SZT2: variants seen among roughly 807,000 people sequenced by gnomAD.
SZT2 encodes KICSTOR complex protein SZT2.
A neutral mutation model predicts 404.2 loss-of-function variants in SZT2; 216 were observed. That is an observed-to-expected ratio of 0.53 (90% CI 0.48 to 0.60). SZT2 has a LOEUF of 0.60. Among genes scored for constraint, SZT2 ranks in the 20% least tolerant of loss-of-function variants. SZT2 has a pLI of 0.00. For synonymous variants in SZT2, 1,693 were observed against 1,749.9 expected (o/e 0.97, Z 0.81); for missense variants, 3,857 against 4,459.2 (o/e 0.86, Z 3.85).
rs1553152789 is a variant in SZT2, at chr1:43,439,185, C to T, written c.6792+92C>T. 2 of 1,580,442 alleles carry T rather than the reference C, an allele frequency of 1.3e-6. No individual in the cohort carries two copies. Among genetic ancestry groups the T allele is most frequent in the Non-Finnish European group, 1.7e-6 (2 of 1,156,150 alleles). Reference sequence around the variant, plus strand: ...TTTCCTACCGATACCCCTATATGTACCTTTGCCCATGGACCTGGGTACACC... The same window carrying T: ...TTTCCTACCGATACCCCTATATGTATCTTTGCCCATGGACCTGGGTACACC... On this transcript the variant is annotated intron_variant, in intron 48 of 71. Coordinates refer to ENST00000634258, the MANE Select transcript of SZT2 (RefSeq NM_001365999.1). This position sits in a 1 kb window ranked among gnomAD's most constrained non-coding sequence, Gnocchi z 4.2.
In SZT2 at chr1:43,420,918, A is replaced by G. The variant is rs767084593; in HGVS notation, c.1431A>G (p.Leu477=). Residue 477 remains leucine (L), a synonymous_variant, in exon 10 of 72, where the codon CTA becomes CTG. Transcript: ENST00000634258. This position sits in a 1 kb window ranked among gnomAD's most constrained non-coding sequence, Gnocchi z 5.1. ...TTTTGCATGATGTGTCCTGTGCACT[A>G]AGGCAGCCCATTCGTTCATTGTATC... The part of the protein sequence containing the change: ...YDILHDVSCA[L]RQPIRSLYRT... 1 of 1,598,454 alleles carries G rather than the reference A, an allele frequency of 6.3e-7. No individual in the cohort carries two copies. Among genetic ancestry groups the G allele is most frequent in the South Asian group, 1.1e-5 (1 of 91,086 alleles).
Position 43,450,667 on chromosome 1 carries a change from CCAAA to C in SZT2, c.*190_*193del. 1 of 878,514 alleles carries C rather than the reference CCAAA, an allele frequency of 1.1e-6. No homozygotes were observed. 54.4% of individuals were successfully genotyped at this position (878,514 alleles called of 1,614,324 possible). On this transcript the variant is annotated 3_prime_UTR_variant, in exon 72 of 72. Transcript: ENST00000634258. This position sits in a 1 kb window ranked among gnomAD's most constrained non-coding sequence, Gnocchi z 4.3. The stretch of plus-strand genomic sequence containing the variant: ...AGCCTGGCAGCAGGAACCGCCCTCC[CCAAA>C]CACCCACAGCCACTGACCCATCCAG...
Position 43,435,539 on chromosome 1 carries a change from A to T in SZT2, c.6034+210A>T, listed in dbSNP as rs1252269249. Among the ~76,000 whole-genome samples the T allele has an allele frequency of 2.6e-5, 4 of 152,340 alleles. No individual in the cohort carries two copies. In the East Asian group the frequency reaches 7.7e-4, roughly 29 times the overall value. On this transcript the variant is annotated intron_variant, in intron 42 of 71. Transcript: ENST00000634258. ...CAGTGATTTTCATGGAAGTAATTTC[A>T]GTAGAGAGATGGGAATAGAAAGCAG...
intron 1 of SZT2, chr1:43,394,050 A>T (rs1648709849): frequency 5.1e-6 from 5 of 983,900 alleles, no homozygotes; most frequent in Non-Finnish European, 6.0e-6. Context: ...CTACTCTGAG[A>T]GTAATGAACT....
chr1:43,434,389 C>G lies in SZT2; in HGVS notation c.5808C>G (p.Ser1936Arg). 1.3e-6 allele frequency: 2 copies of G among 1,592,050 alleles called. No homozygotes were observed. Among genetic ancestry groups the G allele is most frequent in the Non-Finnish European group, 1.7e-6 (2 of 1,170,714 alleles). ...TCAGATTATCCTTCCTTCCCAGGAG[C>G]CTGATTCGGGAGGATGGGGGGCCGG... is the stretch of plus-strand genomic sequence containing the variant. ...DRVEVYAHARSLIREDGGPGT... is the reference protein window; with the variant it reads ...DRVEVYAHARRLIREDGGPGT... The change falls in exon 41 of 72, where the codon AGC becomes AGG. Residue 1936 changes from serine (S) to arginine (R), a missense_variant. Ser to Arg is a moderately radical substitution (Grantham distance 110). Transcript: ENST00000634258.
chr1:43,448,597 T>TGGCTCCTCCCTCAGGACTGC lies in SZT2; in HGVS notation c.9970-14_9975dup. The TGGCTCCTCCCTCAGGACTGC allele has an allele frequency of 6.2e-7, 1 of 1,613,848 alleles. No homozygotes were observed. Among genetic ancestry groups the TGGCTCCTCCCTCAGGACTGC allele is most frequent in the South Asian group, 1.1e-5 (1 of 91,072 alleles). ...GACTGGCACAGAAGACTCAGGCCTG[T>TGGCTCCTCCCTCAGGACTGC]GGCTCCTCCCTCAGGACTGCTTCCT... is the stretch of plus-strand genomic sequence containing the variant. On this transcript the variant is annotated splice_polypyrimidine_tract_variant and intron_variant, in intron 69 of 71. Transcript: ENST00000634258. The surrounding 1 kb of genome is among the most constrained non-coding windows in gnomAD (Gnocchi z 4.2).
In SZT2 at chr1:43,454,029, G is replaced by A; in HGVS notation, c.*3549G>A. 2 of 1,161,434 alleles carry A rather than the reference G, an allele frequency of 1.7e-6. No homozygotes were observed. Among genetic ancestry groups the A allele is most frequent in the Middle Eastern group, 3.5e-4 (1 of 2,852 alleles). 71.9% of individuals were successfully genotyped at this position (1,161,434 alleles called of 1,614,324 possible). On this transcript the variant is annotated 3_prime_UTR_variant, in exon 72 of 72. Coordinates refer to ENST00000634258, the MANE Select transcript of SZT2 (RefSeq NM_001365999.1). ...GGGCGGAGCGAGGGCGGCCGGAAAAGGAGCAGGACCCGCGCCTGGAGAAGG... is the reference window on the plus strand; with the variant it reads ...GGGCGGAGCGAGGGCGGCCGGAAAAAGAGCAGGACCCGCGCCTGGAGAAGG...
At chr1:43,446,123 C>G in intron 63 of SZT2, 56 bp from the exon 64 acceptor site, 1 of 1,606,952 alleles carries the variant, frequency 6.2e-7, no homozygotes. Flanking sequence ...GACTTCCACC[C>G]TACTGATTCG....
chr1:43,446,896 T>C, intron 65 of SZT2, 59 bp from the exon 66 acceptor site: 4 of 1,536,282 alleles, frequency 2.6e-6, no homozygotes, highest in Non-Finnish European at 3.6e-6. Context: ...GAGGGAAATG[T>C]GTTTTGGGCA....
Position 43,403,732 on chromosome 1 carries a change from G to T in SZT2, c.285G>T (p.Arg95=). The change falls in exon 3 of 72, where the codon CGG becomes CGT. Residue 95 remains arginine (R), a synonymous_variant. Coordinates refer to ENST00000634258, the MANE Select transcript of SZT2 (RefSeq NM_001365999.1). ...TRVTFLAWQY[R]FVIELDLSPS... is the part of the protein sequence containing the mutation. ...TCACCTTCCTGGCTTGGCAGTATCG[G>T]TTTGTCATTGAGTTGGACCTTAGCC... The T allele has an allele frequency of 6.2e-7, 1 of 1,614,136 alleles. No homozygotes were observed. The highest frequency in any genetic ancestry group is 8.5e-7 in the Non-Finnish European group (1 of 1,180,026).
rs758622987 is a variant in SZT2, at chr1:43,442,921, CGTG to C, written c.8259_8261del (p.Gly2755del). ...GCAGGGCCGACTGAGTGGGTCCTCTCGTGGTGGGGGTCCTCTTCCCCTGGACAC... is the reference window on the plus strand; with the variant it reads ...GCAGGGCCGACTGAGTGGGTCCTCTCGTGGGGGTCCTCTTCCCCTGGACAC... On this transcript the variant is annotated inframe_deletion, in exon 59 of 72. Coordinates refer to ENST00000634258, the MANE Select transcript of SZT2 (RefSeq NM_001365999.1). The surrounding 1 kb of genome is among the most constrained non-coding windows in gnomAD (Gnocchi z 4.5). 3 of 1,613,970 alleles carry C rather than the reference CGTG, an allele frequency of 1.9e-6. No individual in the cohort carries two copies. The highest frequency in any genetic ancestry group is 2.5e-6 in the Non-Finnish European group (3 of 1,179,980).
chr1:43,421,213 C>T lies in SZT2; in HGVS notation c.1536C>T (p.Ser512=), dbSNP rs201006708. 3.1e-6 allele frequency: 5 copies of T among 1,598,424 alleles called. No homozygotes were observed. Among genetic ancestry groups the T allele is most frequent in the Non-Finnish European group, 4.2e-6 (5 of 1,179,820 alleles). ...ACCAGATGCTTGCCCACCTTCAGTCCTTCTCCTCAGTGCCTGAGCATTTCA... is the reference window on the plus strand; with the variant it reads ...ACCAGATGCTTGCCCACCTTCAGTCTTTCTCCTCAGTGCCTGAGCATTTCA... The part of the protein sequence containing the change: ...QTDQMLAHLQ[S]FSSVPEHFTL... Residue 512 remains serine (S), a synonymous_variant, in exon 11 of 72, where the codon TCC becomes TCT. Coordinates refer to ENST00000634258, the MANE Select transcript of SZT2 (RefSeq NM_001365999.1).
At position 43,423,887 on chromosome 1, in the gene SZT2, A is replaced by G. The variant is rs187221989; in HGVS notation, c.2256-330A>G. On this transcript the variant is annotated intron_variant, in intron 15 of 71. Transcript: ENST00000634258. ...GTGGAAGGGTGTGGCTTAGCGGGGT[A>G]TGAGTGGTAAGGAGTGTGGAAGGGT... 1.3e-3 allele frequency among the ~76,000 whole-genome samples: 187 copies of G among 145,388 alleles called. No individual in the cohort carries two copies. In the East Asian group the frequency reaches 0.026, roughly 21 times the overall value.
At position 43,454,030 on chromosome 1, in the gene SZT2, G is replaced by A; in HGVS notation, c.*3550G>A. 1 of 1,161,008 alleles carries A rather than the reference G, an allele frequency of 8.6e-7. No homozygotes were observed. Among genetic ancestry groups the A allele is most frequent in the Non-Finnish European group, 1.1e-6 (1 of 943,508 alleles). 71.9% of individuals were successfully genotyped at this position (1,161,008 alleles called of 1,614,324 possible). On this transcript the variant is annotated 3_prime_UTR_variant, in exon 72 of 72. Coordinates refer to ENST00000634258, the MANE Select transcript of SZT2 (RefSeq NM_001365999.1). ...GGCGGAGCGAGGGCGGCCGGAAAAGGAGCAGGACCCGCGCCTGGAGAAGGT... is the reference window on the plus strand; with the variant it reads ...GGCGGAGCGAGGGCGGCCGGAAAAGAAGCAGGACCCGCGCCTGGAGAAGGT...
chr1:43,437,334 G>A lies in SZT2; in HGVS notation c.6187+11G>A. On this transcript the variant is annotated intron_variant, in intron 43 of 71. Coordinates refer to ENST00000634258, the MANE Select transcript of SZT2 (RefSeq NM_001365999.1). The surrounding 1 kb of genome is among the most constrained non-coding windows in gnomAD (Gnocchi z 5.3). ...TGGGGGTCTCTCGGGGTATGTGATT[G>A]GCATGAGAGGGCAGGTGAGCATTGG... The A allele has an allele frequency of 6.2e-7, 1 of 1,614,132 alleles. No individual in the cohort carries two copies. The highest frequency in any genetic ancestry group is 8.5e-7 in the Non-Finnish European group (1 of 1,180,012).
In SZT2 at chr1:43,424,169, C is replaced by T; in HGVS notation, c.2256-48C>T. 1 of 1,532,542 alleles carries T rather than the reference C, an allele frequency of 6.5e-7. No individual in the cohort carries two copies. 94.9% of individuals were successfully genotyped at this position (1,532,542 alleles called of 1,614,324 possible). On this transcript the variant is annotated intron_variant, in intron 15 of 71. Coordinates refer to ENST00000634258, the MANE Select transcript of SZT2 (RefSeq NM_001365999.1). The surrounding 1 kb of genome is among the most constrained non-coding windows in gnomAD (Gnocchi z 4.1). Reference sequence around the variant, plus strand: ...GGTACAGAGGTGTGGAAGGGCGTGGCTTAGCCGGGGATGAGAGAGATAGCT... The same window carrying T: ...GGTACAGAGGTGTGGAAGGGCGTGGTTTAGCCGGGGATGAGAGAGATAGCT...
chr1:43,450,904 C>G lies in SZT2; in HGVS notation c.*424C>G. The stretch of plus-strand genomic sequence containing the variant: ...GGGTCTTCACTTCCCACTTGGACAT[C>G]ACTGCTGGACATTCCCATCGAGATG... On this transcript the variant is annotated 3_prime_UTR_variant, in exon 72 of 72. Coordinates refer to ENST00000634258, the MANE Select transcript of SZT2 (RefSeq NM_001365999.1). This position sits in a 1 kb window ranked among gnomAD's most constrained non-coding sequence, Gnocchi z 4.3. The G allele has an allele frequency of 2.7e-6, 2 of 742,792 alleles. No individual in the cohort carries two copies. The highest frequency in any genetic ancestry group is 4.9e-6 in the Non-Finnish European group (2 of 404,066). The allele number at this position is 742,792 out of a possible 1,614,324, so 46.0% of individuals were successfully genotyped here.
intron 28 of SZT2, chr1:43,428,739 A>T: frequency 1.9e-6 from 1 of 513,326 alleles, no homozygotes; most frequent in Non-Finnish European, 3.5e-6. Context: ...AGGGATAGGG[A>T]GTCCCCTGGT....
At chr1:43,414,497 C>T (rs1268169841) in intron 4 of SZT2, among the ~76,000 whole-genome samples, 7 of 152,064 alleles carry the variant, frequency 4.6e-5, no homozygotes, top group Non-Finnish European at 7.4e-5. Context: ...TCTCTGCTCA[C>T]TGCAACCTCT....
Sources: allele counts gnomAD v4.1 joint callset (sites outside exome capture counted in the v4.1 genomes callset), GRCh38; gene constraint gnomAD v4.1.1; non-coding constraint Gnocchi (gnomAD v3.1); transcripts MANE v1.5; gene names NCBI Gene and HGNC (gene_info 2026-07-23, HGNC 2026-07-21).